TRDN: variants seen among roughly 807,000 people sequenced by gnomAD.
TRDN encodes triadin in skeletal muscle.
Under a neutral mutation model 149.7 loss-of-function variants are expected in TRDN, and 161 were observed. The observed-to-expected ratio is 1.08, with a 90% confidence interval of 0.95 to 1.23. The LOEUF (loss-of-function observed/expected upper bound fraction) is 1.23, where lower values mean the gene tolerates loss of function less well. TRDN is among the 50% of genes most tolerant of loss of function. The pLI is 0.00. For synonymous variants in TRDN, 294 were observed against 250.5 expected (o/e 1.17, Z -1.64); for missense variants, 896 against 823.5 (o/e 1.09, Z -1.08).
At chr6:123,384,179 G>T (rs1562288042) in intron 14 of TRDN, among the ~76,000 whole-genome samples, 1 of 152,086 alleles carries the variant, frequency 6.6e-6, no homozygotes, top group Non-Finnish European at 1.5e-5. Context: ...GAAAAAATAT[G>T]ACATAATACA....
intron 24 of TRDN, among the ~76,000 whole-genome samples, chr6:123,283,501 A>AAATATATAAAAGATATAT (rs1777676563): frequency 6.6e-6 from 1 of 151,916 alleles, no homozygotes. Flanking sequence ...AACAAACAAA[A>AAATATATAAAAGATATAT]AATATATAAA....
rs115316268 is a variant in TRDN, at chr6:123,631,997, G to T, written c.22+4757C>A. The stretch of plus-strand genomic sequence containing the variant: ...ACTAAAAATATAATTATTCATTAAG[G>T]TTATCTAACATCCAGAGTATATTAA... On this transcript the variant is annotated intron_variant, in intron 1 of 40. Transcript: ENST00000334268. 1.4e-3 allele frequency among the ~76,000 whole-genome samples: 208 copies of T among 152,088 alleles called. 2 individuals carry two copies. The highest frequency in any genetic ancestry group is 4.6e-3 in the African/African-American group (191 of 41,502).
chr6:123,285,825 T>A (rs1344639065), intron 24 of TRDN, among the ~76,000 whole-genome samples: 3 of 151,620 alleles, frequency 2.0e-5, no homozygotes, highest in Non-Finnish European at 4.4e-5. Context: ...TACAAGGAAC[T>A]CAAACAAATT....
chr6:123,584,524 G>C (rs1328637226), intron 1 of TRDN, among the ~76,000 whole-genome samples: 1 of 152,108 alleles, frequency 6.6e-6, no homozygotes, highest in East Asian at 1.9e-4. Flanking sequence ...TTTTGTAAGG[G>C]ATTGAGGTTT....
chr6:123,255,131 A>C lies in TRDN; in HGVS notation c.1907-6T>G. On this transcript the variant is annotated splice_polypyrimidine_tract_variant and splice_region_variant and intron_variant, in intron 36 of 40. Transcript: ENST00000334268. Reference sequence around the variant, plus strand: ...ACTTTCTTTTCTTGTTGAGACTGTTAATAAGGAAAATGTAAATTAAAATAT... The same window carrying C: ...ACTTTCTTTTCTTGTTGAGACTGTTCATAAGGAAAATGTAAATTAAAATAT... 3.2e-6 allele frequency: 4 copies of C among 1,255,492 alleles called. No homozygotes were observed. The highest frequency in any genetic ancestry group is 3.3e-6 in the Non-Finnish European group (3 of 920,932). 77.8% of individuals were successfully genotyped at this position (1,255,492 alleles called of 1,614,324 possible). A position where few individuals can be genotyped will look rare whatever the true frequency, so the allele number is the denominator to read the frequency against.
chr6:123,502,284 C>T lies in TRDN; in HGVS notation c.793+1435G>A, dbSNP rs753607621. The T allele has an allele frequency of 7.9e-4, 694 of 881,368 alleles. 2 individuals carry two copies. The highest frequency in any genetic ancestry group is 9.2e-4 in the Non-Finnish European group (678 of 735,604). 54.6% of individuals were successfully genotyped at this position (881,368 alleles called of 1,614,324 possible). A position where few individuals can be genotyped will look rare whatever the true frequency, so the allele number is the denominator to read the frequency against. On this transcript the variant is annotated intron_variant, in intron 8 of 40. Transcript: ENST00000334268. Reference sequence around the variant, plus strand: ...TACTTACTTCATCCTTTTTGTCTACCAAAATATTTCATTAATGACATAATT... The same window carrying T: ...TACTTACTTCATCCTTTTTGTCTACTAAAATATTTCATTAATGACATAATT...
At chr6:123,410,229 C>T (rs1301139733) in intron 12 of TRDN, among the ~76,000 whole-genome samples, 1 of 152,106 alleles carries the variant, frequency 6.6e-6, no homozygotes, top group Non-Finnish European at 1.5e-5. Flanking sequence ...GTAATGATGA[C>T]CTGAACTAAG....
chr6:123,448,098 T>C (rs1460755378), intron 10 of TRDN, among the ~76,000 whole-genome samples: 1 of 152,158 alleles, frequency 6.6e-6, no homozygotes, highest in Non-Finnish European at 1.5e-5. Context: ...GCTCGCTGGG[T>C]CCCCTAGCAG....
chr6:123,257,720 T>C (rs1179441967), intron 35 of TRDN, among the ~76,000 whole-genome samples: 2 of 152,302 alleles, frequency 1.3e-5, no homozygotes, highest in East Asian at 3.9e-4. Context: ...ATAAATTACT[T>C]TAGGCAGTAT....
intron 38 of TRDN, among the ~76,000 whole-genome samples, chr6:123,227,130 T>A (rs924948898): frequency 6.6e-6 from 1 of 151,766 alleles, no homozygotes; most frequent in African/African-American, 2.4e-5. Flanking sequence ...AGACAAATAA[T>A]GTTTTAGAGA....
intron 1 of TRDN, among the ~76,000 whole-genome samples, chr6:123,577,451 A>G (rs1350001634): frequency 6.6e-6 from 1 of 152,060 alleles, no homozygotes; most frequent in Non-Finnish European, 1.5e-5. Context: ...CTGCAGCTCC[A>G]TCCATGTTCC....
intron 24 of TRDN, among the ~76,000 whole-genome samples, chr6:123,307,011 T>G (rs902915804): frequency 6.6e-6 from 1 of 152,130 alleles, no homozygotes; most frequent in Admixed American, 6.6e-5. Context: ...TTTTAACCGT[T>G]GCTGGTTAAA....
At chr6:123,383,393 G>A (rs1781790684) in intron 14 of TRDN, among the ~76,000 whole-genome samples, 1 of 151,922 alleles carries the variant, frequency 6.6e-6, no homozygotes, top group African/African-American at 2.4e-5. Context: ...AAATTAACAT[G>A]CTTTTTGATG....
At chr6:123,328,791 G>C (rs1779559346) in intron 23 of TRDN, among the ~76,000 whole-genome samples, 1 of 152,102 alleles carries the variant, frequency 6.6e-6, no homozygotes, top group Admixed American at 6.6e-5. Context: ...TTCAGTATCT[G>C]GTTAATTGCA....
chr6:123,237,878 T>C (rs1353470969), intron 38 of TRDN, among the ~76,000 whole-genome samples: 3 of 152,108 alleles, frequency 2.0e-5, no homozygotes, highest in African/African-American at 7.2e-5. Context: ...AGAACATACT[T>C]GAAGAAGGCA....
chr6:123,354,508 G>C (rs528247644), intron 20 of TRDN, among the ~76,000 whole-genome samples: 3 of 151,282 alleles, frequency 2.0e-5, no homozygotes, highest in Non-Finnish European at 4.4e-5. Flanking sequence ...TTCTTTAAAA[G>C]GCAAATTAAA....
At chr6:123,317,891 T>C (rs1779087541) in intron 23 of TRDN, among the ~76,000 whole-genome samples, 1 of 151,958 alleles carries the variant, frequency 6.6e-6, no homozygotes, top group Non-Finnish European at 1.5e-5. Context: ...AGAAGTTGAT[T>C]CATCTTATGA....
intron 12 of TRDN, among the ~76,000 whole-genome samples, chr6:123,407,084 TA>T (rs1773224618): frequency 6.6e-6 from 1 of 152,078 alleles, no homozygotes; most frequent in Admixed American, 6.5e-5. Context: ...GCTTTGATAA[TA>T]TACTGGATTG....
At chr6:123,636,242 G>A (rs752683472) in intron 1 of TRDN, among the ~76,000 whole-genome samples, 1 of 151,852 alleles carries the variant, frequency 6.6e-6, no homozygotes, top group Non-Finnish European at 1.5e-5. Context: ...ATATGTATGT[G>A]TGTTTTACAT....
Sources: gnomAD v4.1 joint callset for allele counts (sites outside exome capture counted in the v4.1 genomes callset) on GRCh38, gnomAD v4.1.1 for gene constraint, MANE v1.5 for transcripts, NCBI Gene and HGNC (gene_info 2026-07-23, HGNC 2026-07-21) for gene names.